CAPS2: variants seen among roughly 807,000 people sequenced by gnomAD.
CAPS2 encodes calcyphosin-2.
CAPS2 carries 98 observed loss-of-function variants against 86.5 expected under a neutral mutation model. That is an observed-to-expected ratio of 1.13 (90% confidence interval 0.96 to 1.34). The LOEUF is 1.34. CAPS2 is among the 40% of genes most tolerant of loss of function. The probability of loss-of-function intolerance (pLI) is 0.00; values close to 1 mark genes in which losing one functional copy is unlikely to be tolerated. For synonymous variants in CAPS2, 210 were observed against 225.1 expected, an observed-to-expected ratio of 0.93 and a Z score of 0.60; for missense variants, 729 against 686.8, an observed-to-expected ratio of 1.06 and a Z score of -0.69.
chr12:75,276,974 C>T (rs1004016241), downstream of CAPS2: 3 of 983,406 alleles, frequency 3.1e-6, no homozygotes, highest in Non-Finnish European at 3.6e-6. Context: ...TTAAGTTTAA[C>T]ACTAAATAAC....
chr12:75,338,617 GGGTAC>G (rs1408846888), intron 1 of CAPS2, among the ~76,000 whole-genome samples: 2 of 151,734 alleles, frequency 1.3e-5, no homozygotes, highest in Non-Finnish European at 2.9e-5. Context: ...TTAAGTTCTG[GGGTAC>G]ATGTGCAGGA....
intron 14 of CAPS2, among the ~76,000 whole-genome samples, chr12:75,289,198 T>C (rs999605825): frequency 6.6e-6 from 1 of 152,188 alleles, no homozygotes; most frequent in African/African-American, 2.4e-5. Context: ...GGTTAATTCC[T>C]CCTCAACCTT....
chr12:75,316,239 T>C (rs1446600724), intron 6 of CAPS2, 73 bp downstream of exon 6: 2 of 1,517,682 alleles, frequency 1.3e-6, no homozygotes, highest in Admixed American at 2.1e-5. Flanking sequence ...ATTTATTCCA[T>C]TCAGTCTTTA....
intron 1 of CAPS2, among the ~76,000 whole-genome samples, chr12:75,373,073 G>C (rs572764452): frequency 6.6e-6 from 1 of 152,170 alleles, no homozygotes; most frequent in Non-Finnish European, 1.5e-5. Context: ...CCACTCCAAG[G>C]AATGGTGCCA....
chr12:75,369,252 C>T (rs894839679), intron 1 of CAPS2, among the ~76,000 whole-genome samples: 3 of 151,870 alleles, frequency 2.0e-5, no homozygotes, highest in African/African-American at 7.2e-5. Flanking sequence ...AATTTTCTAT[C>T]ATTTAACCCA....
chr12:75,349,717 T>C (rs2139421479), intron 1 of CAPS2, among the ~76,000 whole-genome samples: 1 of 152,168 alleles, frequency 6.6e-6, no homozygotes, highest in Admixed American at 6.5e-5. Context: ...GATTAATGAA[T>C]TCAAAATCAT....
chr12:75,347,910 A>G (rs1565971268), intron 1 of CAPS2, among the ~76,000 whole-genome samples: 1 of 152,148 alleles, frequency 6.6e-6, no homozygotes. Context: ...AAGAAAAATT[A>G]TACCTATTAT....
chr12:75,390,834 T>C (rs2045555307), intron 1 of CAPS2: 1 of 630,016 alleles, frequency 1.6e-6, no homozygotes, highest in African/African-American at 1.8e-5. Context: ...AAGGGCTTAC[T>C]CACGTAACAC....
At chr12:75,326,498 T>C in exon 1 of CAPS2, 1 of 1,532,316 alleles carries the variant, frequency 6.5e-7, no homozygotes, top group Non-Finnish European at 8.9e-7. Context: ...TCTAAATCCA[T>C]TTGAGTTCCT....
At chr12:75,334,846 G>C, upstream of CAPS2, 1 of 1,614,058 alleles carries the variant, frequency 6.2e-7, no homozygotes, top group Non-Finnish European at 8.5e-7. Context: ...CTGCATAGAA[G>C]CCCACAACGA....
At position 75,278,713 on chromosome 12, in the gene CAPS2, T is replaced by G. The variant is rs1039897504; in HGVS notation, c.*177A>C. 9.1e-6 allele frequency: 12 copies of G among 1,321,066 alleles called. No individual in the cohort carries two copies. In the African/African-American group the frequency reaches 1.8e-4, roughly 20 times the overall value. The allele number at this position is 1,321,066 out of a possible 1,614,324, so 81.8% of individuals were successfully genotyped here. A position where few individuals can be genotyped will look rare whatever the true frequency, so the allele number is the denominator to read the frequency against. On this transcript the variant is annotated 3_prime_UTR_variant, in exon 17 of 17. Transcript: ENST00000393284. ...ACACCCCTACATCTATCTTTCTGGA[T>G]AGTTCTCTTTCCAAATTCAACATTT... is the stretch of plus-strand genomic sequence containing the variant.
chr12:75,342,417 T>A (rs930772057), intron 1 of CAPS2, among the ~76,000 whole-genome samples: 4 of 152,226 alleles, frequency 2.6e-5, no homozygotes, highest in Non-Finnish European at 4.4e-5. Flanking sequence ...GTATTATTTT[T>A]GTAACTTCTT....
At chr12:75,378,123 G>A (rs942374431) in intron 1 of CAPS2, among the ~76,000 whole-genome samples, 8 of 151,612 alleles carry the variant, frequency 5.3e-5, no homozygotes, top group Admixed American at 1.3e-4. Context: ...TCAGCCTCCC[G>A]AGTAGCTGGG....
intron 7 of CAPS2, among the ~76,000 whole-genome samples, chr12:75,311,216 T>A (rs2039126658): frequency 6.6e-6 from 1 of 152,138 alleles, no homozygotes; most frequent in Non-Finnish European, 1.5e-5. Context: ...ATGAGGCCAG[T>A]TAAGCAGTCC....
At chr12:75,357,578 A>G (rs932176529) in intron 1 of CAPS2, among the ~76,000 whole-genome samples, 2 of 152,120 alleles carry the variant, frequency 1.3e-5, no homozygotes, top group South Asian at 4.1e-4. Context: ...TGTACATGAA[A>G]TATTTAATAA....
At chr12:75,362,051 C>T (rs1395435755) in intron 1 of CAPS2, among the ~76,000 whole-genome samples, 1 of 151,946 alleles carries the variant, frequency 6.6e-6, no homozygotes, top group African/African-American at 2.4e-5. Context: ...AACTACTATT[C>T]AAAGACACTG....
exon 17 of CAPS2, chr12:75,278,720 C>G (rs2033330985): frequency 7.5e-7 from 1 of 1,325,676 alleles, no homozygotes; most frequent in African/African-American, 1.5e-5. Context: ...GGATAGTTCT[C>G]TTTCCAAATT....
chr12:75,278,063 C>A, exon 17 of CAPS2: 4 of 883,434 alleles, frequency 4.5e-6, no homozygotes, highest in Non-Finnish European at 5.4e-6. Flanking sequence ...CAACAATATA[C>A]TTTTAGGATC....
intron 14 of CAPS2, among the ~76,000 whole-genome samples, chr12:75,288,910 T>C (rs2035368756): frequency 6.6e-6 from 1 of 152,066 alleles, no homozygotes; most frequent in Non-Finnish European, 1.5e-5. Context: ...GAAATTGGTA[T>C]AGAAAGGACC....
Sources: gnomAD v4.1 joint callset for allele counts (sites outside exome capture counted in the v4.1 genomes callset) on GRCh38, gnomAD v4.1.1 for gene constraint, MANE v1.5 for transcripts, NCBI Gene and HGNC (gene_info 2026-07-23, HGNC 2026-07-21) for gene names.